The following INTS3 variants were observed in gnomAD, a reference collection of about 807,000 sequenced individuals.
The protein encoded by INTS3 is integrator complex subunit 3, also known as SOSS complex subunit A.
In INTS3, 34 loss-of-function variants were observed where a neutral mutation model predicts 146.3. The observed-to-expected ratio is 0.23, with a 90% CI of 0.18 to 0.31. The LOEUF is 0.31. INTS3 is among the 10% of genes least tolerant of loss of function. The pLI is 1.00. For missense variants in INTS3, 757 were observed against 1,304.2 expected (o/e 0.58, Z 6.46); for synonymous variants, 475 against 494.9 (o/e 0.96, Z 0.53).
intron 21 of INTS3, among the ~76,000 whole-genome samples, chr1:153,768,312 A>T (rs1276133443): frequency 2.0e-5 from 3 of 152,194 alleles, no homozygotes; most frequent in African/African-American, 7.2e-5. Flanking sequence ...TCTTGGTAGA[A>T]GTTCCCAGGA....
Position 153,741,302 on chromosome 1 carries a change from C to T in INTS3, c.252C>T (p.Pro84=). 1 of 1,614,024 alleles carries T rather than the reference C, an allele frequency of 6.2e-7. No homozygotes were observed. Among genetic ancestry groups the T allele is most frequent in the Non-Finnish European group, 8.5e-7 (1 of 1,179,920 alleles). ...CATTCCAGGTGTGCAAAGGCCTCCCCCAGCATGAAGAAATCTGCCTGGGCC... is the reference window on the plus strand; with the variant it reads ...CATTCCAGGTGTGCAAAGGCCTCCCTCAGCATGAAGAAATCTGCCTGGGCC... The part of the protein sequence containing the change: ...ALNAYVCKGL[P]QHEEICLGLF... The change falls in exon 3 of 30, where the codon CCC becomes CCT. Residue 84 remains proline, a synonymous_variant. Transcript: ENST00000318967.
Position 153,757,095 on chromosome 1 carries a change from G to A in INTS3, c.958-477G>A, listed in dbSNP as rs1435060142. Among the ~76,000 whole-genome samples the A allele has an allele frequency of 1.3e-5, 2 of 152,218 alleles. No individual in the cohort carries two copies. The highest frequency in any genetic ancestry group is 4.8e-5 in the African/African-American group (2 of 41,452). On this transcript the variant is annotated intron_variant, in intron 9 of 29. Transcript: ENST00000318967. The surrounding 1 kb of genome is among the most constrained non-coding windows in gnomAD (Gnocchi z 4.0). ...GAAAAACTTTCCACAAGAAGGTTTG[G>A]AGAGTCTAGGCTTTGGATAATGGTC...
Position 153,728,219 on chromosome 1 carries a change from A to G in INTS3, c.-416A>G, listed in dbSNP as rs1278200280. 2 of 390,566 alleles carry G rather than the reference A, an allele frequency of 5.1e-6. No homozygotes were observed. Among genetic ancestry groups the G allele is most frequent in the Non-Finnish European group, 9.0e-6 (2 of 221,086 alleles). The allele number at this position is 390,566 out of a possible 1,614,324, so 24.2% of individuals were successfully genotyped here. ...GGGGCATCAGCCAGGAAGGTTTCCT[A>G]CCTCCTAATTCAGGGGCAGGACTCC... On this transcript the variant is annotated 5_prime_UTR_variant, in exon 1 of 30. Coordinates refer to ENST00000318967, the MANE Select transcript of INTS3 (RefSeq NM_023015.5).
At chr1:153,754,617 C>G (rs1295526848) in intron 8 of INTS3, 25 bp from the exon 9 acceptor site, 1 of 1,501,426 alleles carries the variant, frequency 6.7e-7, no homozygotes, top group East Asian at 2.3e-5. Context: ...TTCCTCTTTT[C>G]TCTTCCCTTC....
intron 26 of INTS3, 26 bp downstream of exon 26, chr1:153,771,989 C>T: frequency 6.3e-7 from 1 of 1,598,158 alleles, no homozygotes; most frequent in South Asian, 1.1e-5. Context: ...TGTCTACCCT[C>T]CAGGCCATGG....
chr1:153,772,605 T>A lies in INTS3; in HGVS notation c.2822-34T>A. The stretch of plus-strand genomic sequence containing the variant: ...AATAAGCTCCCAGACATCTGATTGT[T>A]TTTCCTTCCCTGCTCTCCCTTTTCT... On this transcript the variant is annotated intron_variant, in intron 27 of 29. Transcript: ENST00000318967. The surrounding 1 kb of genome is among the most constrained non-coding windows in gnomAD (Gnocchi z 4.6). The A allele has an allele frequency of 6.2e-7, 1 of 1,614,020 alleles. No individual in the cohort carries two copies. The highest frequency in any genetic ancestry group is 8.5e-7 in the Non-Finnish European group (1 of 1,179,950).
At chr1:153,762,435 A>G (rs1283950711) in intron 14 of INTS3, among the ~76,000 whole-genome samples, 7 of 152,208 alleles carry the variant, frequency 4.6e-5, no homozygotes, top group Admixed American at 3.9e-4. Context: ...CAAGAGTGAG[A>G]CTAGCACTTC....
At position 153,769,777 on chromosome 1, in the gene INTS3, G is replaced by A. The variant is rs1672744241; in HGVS notation, c.2322G>A (p.Glu774=). 11 of 1,612,786 alleles carry A rather than the reference G, an allele frequency of 6.8e-6. No homozygotes were observed. Among genetic ancestry groups the A allele is most frequent in the Non-Finnish European group, 9.3e-6 (11 of 1,179,062 alleles). Reference sequence around the variant, plus strand: ...TTCCTCCACCTCCTTAGCTCCAGGAGCTGGTCTGCCACGTGATGATGGGTA... The same window carrying A: ...TTCCTCCACCTCCTTAGCTCCAGGAACTGGTCTGCCACGTGATGATGGGTA... The part of the protein sequence containing the change: ...VAVIDSAQLQ[E]LVCHVMMGNL... Residue 774 remains glutamate (E), a synonymous_variant, in exon 23 of 30, where the codon GAG becomes GAA. Transcript: ENST00000318967.
Position 153,772,600 on chromosome 1 carries a change from A to G in INTS3, c.2822-39A>G. 6.2e-7 allele frequency: 1 copy of G among 1,613,888 alleles called. No individual in the cohort carries two copies. Among genetic ancestry groups the G allele is most frequent in the South Asian group, 1.1e-5 (1 of 91,042 alleles). On this transcript the variant is annotated intron_variant, in intron 27 of 29. Transcript: ENST00000318967. The surrounding 1 kb of genome is among the most constrained non-coding windows in gnomAD (Gnocchi z 4.6). ...TGTTTAATAAGCTCCCAGACATCTG[A>G]TTGTTTTTCCTTCCCTGCTCTCCCT...
At chr1:153,743,134 A>G (rs188902851) in intron 3 of INTS3, among the ~76,000 whole-genome samples, 2 of 152,302 alleles carry the variant, frequency 1.3e-5, no homozygotes, top group East Asian at 3.9e-4. Flanking sequence ...CCTTCTCCCT[A>G]AAAGGGTGAT....
intron 1 of INTS3, among the ~76,000 whole-genome samples, chr1:153,734,721 A>C (rs1671224288): frequency 6.6e-6 from 1 of 152,174 alleles, no homozygotes; most frequent in South Asian, 2.1e-4. Context: ...GGTAGAGGGT[A>C]CATCATTCAG....
rs551330641 is a variant in INTS3, at chr1:153,772,256, T to C, written c.2721-84T>C. 6.7e-7 allele frequency: 1 copy of C among 1,486,364 alleles called. No individual in the cohort carries two copies. Among genetic ancestry groups the C allele is most frequent in the Non-Finnish European group, 9.2e-7 (1 of 1,081,716 alleles). The allele number at this position is 1,486,364 out of a possible 1,614,324, so 92.1% of individuals were successfully genotyped here. On this transcript the variant is annotated intron_variant, in intron 26 of 29. Coordinates refer to ENST00000318967, the MANE Select transcript of INTS3 (RefSeq NM_023015.5). The surrounding 1 kb of genome is among the most constrained non-coding windows in gnomAD (Gnocchi z 4.6). ...TTCCCCATGTAGGCTGCCTCTGTCT[T>C]AAGGGGGCCCTGGCGGGTGGAGGGT... is the stretch of plus-strand genomic sequence containing the variant.
chr1:153,767,743 C>T lies in INTS3; in HGVS notation c.2160C>T (p.His720=). 1.2e-6 allele frequency: 2 copies of T among 1,613,386 alleles called. No homozygotes were observed. Among genetic ancestry groups the T allele is most frequent in the Admixed American group, 1.7e-5 (1 of 59,984 alleles). ...AGGCTACCCAGCTGGGCGATCTGCA[C>T]ACCTGCCTGATGATGGACATGAAGG... ...FAQATQLGDL[H]TCLMMDMKAC... The change falls in exon 21 of 30, where the codon CAC becomes CAT. Residue 720 remains histidine, a synonymous_variant. Transcript: ENST00000318967.
At chr1:153,737,426 ATGG>A (rs1192422125) in intron 1 of INTS3, among the ~76,000 whole-genome samples, 1 of 152,178 alleles carries the variant, frequency 6.6e-6, no homozygotes, top group Non-Finnish European at 1.5e-5. Flanking sequence ...AACACATGAC[ATGG>A]TGGAGTTGAA....
In INTS3 at chr1:153,728,573, C is replaced by G; in HGVS notation, c.-62C>G. ...CCCAGTCCCTGGCAATCCAGAGATC[C>G]CGATATCTAGGACTGTCCATCCATC... is the stretch of plus-strand genomic sequence containing the variant. On this transcript the variant is annotated 5_prime_UTR_variant, in exon 1 of 30. Transcript: ENST00000318967. The G allele has an allele frequency of 6.6e-7, 1 of 1,512,000 alleles. No individual in the cohort carries two copies. The highest frequency in any genetic ancestry group is 1.3e-5 in the South Asian group (1 of 78,614). 93.7% of individuals were successfully genotyped at this position (1,512,000 alleles called of 1,614,324 possible).
In INTS3 at chr1:153,741,333, A is replaced by G. The variant is rs1404904620; in HGVS notation, c.283A>G (p.Thr95Ala). The G allele has an allele frequency of 1.9e-6, 3 of 1,613,614 alleles. No individual in the cohort carries two copies. The highest frequency in any genetic ancestry group is 2.5e-6 in the Non-Finnish European group (3 of 1,179,868). ...TGAAGAAATCTGCCTGGGCCTGTTTACTCTCATCCTCACTGAACCTGCCCA... is the reference window on the plus strand; with the variant it reads ...TGAAGAAATCTGCCTGGGCCTGTTTGCTCTCATCCTCACTGAACCTGCCCA... ...QHEEICLGLFTLILTEPAQAQ... is the reference protein window; with the variant it reads ...QHEEICLGLFALILTEPAQAQ... The change falls in exon 3 of 30, where the codon ACT (threonine) becomes GCT (alanine). Residue 95 changes from threonine to alanine, a missense_variant. Around this residue, in one of 8 missense-constraint regions of INTS3, gnomAD observed 160 missense variants for 193.7 expected, o/e 0.83. Coordinates refer to ENST00000318967, the MANE Select transcript of INTS3 (RefSeq NM_023015.5).
At chr1:153,773,138 G>C in intron 29 of INTS3, 55 bp from the exon 30 acceptor site, 1 of 1,613,536 alleles carries the variant, frequency 6.2e-7, no homozygotes, top group Non-Finnish European at 8.5e-7. Flanking sequence ...GGTGGAGTCG[G>C]CGCCAGCAGC....
At chr1:153,764,770 T>C in intron 19 of INTS3, 36 bp downstream of exon 19, 1 of 1,569,402 alleles carries the variant, frequency 6.4e-7, no homozygotes, top group Non-Finnish European at 8.8e-7. Context: ...TGTTCTACCC[T>C]CCATCCTCCC....
chr1:153,752,789 G>C (rs1175711916), intron 8 of INTS3, among the ~76,000 whole-genome samples: 1 of 152,142 alleles, frequency 6.6e-6, no homozygotes, highest in East Asian at 1.9e-4. Flanking sequence ...AGTCAGTAGA[G>C]GGCTGGAATT....
Sources: allele counts gnomAD v4.1 joint callset (sites outside exome capture counted in the v4.1 genomes callset), GRCh38; gene constraint gnomAD v4.1.1; regional missense constraint gnomAD v4.1.1; non-coding constraint Gnocchi (gnomAD v3.1); transcripts MANE v1.5; gene names NCBI Gene and HGNC (gene_info 2026-07-23, HGNC 2026-07-21).